KIAA0825: variants seen among roughly 807,000 people sequenced by gnomAD.
KIAA0825 encodes KIAA0825, also known as uncharacterized protein KIAA0825.
KIAA0825 carries 119 observed loss-of-function variants against 147.6 expected under a neutral mutation model. The ratio of observed to expected loss-of-function variants is 0.81; its 90% CI spans 0.69 to 0.94. The LOEUF is 0.94. Among genes scored for constraint, KIAA0825 ranks in the 40% least tolerant of loss-of-function variants. The pLI is 0.00. For missense variants in KIAA0825, 1,381 were observed against 1,472.7 expected (o/e 0.94, Z 1.02); for synonymous variants, 470 against 518.1 (o/e 0.91, Z 1.26).
intron 20 of KIAA0825, among the ~76,000 whole-genome samples, chr5:94,199,775 G>A (rs1024428957): frequency 1.3e-5 from 2 of 152,134 alleles, no homozygotes; most frequent in African/African-American, 2.4e-5. Flanking sequence ...GCATGCTGGC[G>A]GGGGAGGCTG....
chr5:94,563,965 G>T (rs1202380343), intron 2 of KIAA0825, among the ~76,000 whole-genome samples: 1 of 151,934 alleles, frequency 6.6e-6, no homozygotes, highest in Non-Finnish European at 1.5e-5. Context: ...GATTACAGGC[G>T]TGAGCCATAG....
intron 19 of KIAA0825, among the ~76,000 whole-genome samples, chr5:94,385,732 A>T (rs1196209015): frequency 6.6e-6 from 1 of 152,216 alleles, no homozygotes; most frequent in Non-Finnish European, 1.5e-5. Flanking sequence ...CGGCTTTAAG[A>T]TCATTAACAA....
At chr5:94,342,215 C>T (rs944429607) in intron 20 of KIAA0825, among the ~76,000 whole-genome samples, 4 of 151,774 alleles carry the variant, frequency 2.6e-5, no homozygotes, top group Non-Finnish European at 5.9e-5. Context: ...AAAGAACAAC[C>T]TGAAGGATTT....
chr5:94,617,113 T>C (rs1790738442), intron 1 of KIAA0825, among the ~76,000 whole-genome samples: 1 of 152,186 alleles, frequency 6.6e-6, no homozygotes, highest in Non-Finnish European at 1.5e-5. Flanking sequence ...AAATAATAAA[T>C]GTAAAGTGCC....
chr5:94,493,166 G>A (rs1484925782), intron 5 of KIAA0825, among the ~76,000 whole-genome samples: 2 of 152,158 alleles, frequency 1.3e-5, no homozygotes, highest in African/African-American at 4.8e-5. Context: ...TCTCATTCAA[G>A]AGACCTGTAG....
intron 5 of KIAA0825, chr5:94,519,795 A>G (rs184102216): frequency 3.7e-6 from 3 of 815,894 alleles, no homozygotes; most frequent in African/African-American, 1.9e-5. Flanking sequence ...GGAAGATACA[A>G]TGGATTAAAA....
At chr5:94,565,659 A>G (rs1189400780) in intron 2 of KIAA0825, among the ~76,000 whole-genome samples, 1 of 152,110 alleles carries the variant, frequency 6.6e-6, no homozygotes, top group Non-Finnish European at 1.5e-5. Flanking sequence ...TTTAACTCTG[A>G]CTGGGAATAA....
chr5:94,591,169 G>C (rs539964984), intron 1 of KIAA0825, among the ~76,000 whole-genome samples: 77 of 152,240 alleles, frequency 5.1e-4, no homozygotes, highest in Non-Finnish European at 9.4e-4. Flanking sequence ...AGATGAAAGA[G>C]AATTCACAGA....
intron 2 of KIAA0825, among the ~76,000 whole-genome samples, chr5:94,539,551 C>T (rs1392367911): frequency 6.6e-6 from 1 of 152,020 alleles, no homozygotes; most frequent in Non-Finnish European, 1.5e-5. Context: ...TGGCAAACCC[C>T]AAAGGGATGA....
At chr5:94,235,492 T>A (rs886072492) in intron 20 of KIAA0825, among the ~76,000 whole-genome samples, 1 of 152,200 alleles carries the variant, frequency 6.6e-6, no homozygotes, top group Admixed American at 6.5e-5. Context: ...AAAGAAGCTG[T>A]TTCTATAGCA....
intron 1 of KIAA0825, among the ~76,000 whole-genome samples, chr5:94,584,124 C>CTCTTCTCCT (rs1413544114): frequency 7.2e-5 from 11 of 152,114 alleles, no homozygotes; most frequent in Admixed American, 5.9e-4. Context: ...GCCAGAATGC[C>CTCTTCTCCT]TCTTCTCCTC....
At chr5:94,554,729 T>C (rs1290890882) in intron 2 of KIAA0825, among the ~76,000 whole-genome samples, 1 of 90,930 alleles carries the variant, frequency 1.1e-5, no homozygotes, top group Admixed American at 1.1e-4. Context: ...TATATATATA[T>C]ATATATATAT....
chr5:94,173,593 T>G (rs1303472122), intron 20 of KIAA0825, among the ~76,000 whole-genome samples: 2 of 152,182 alleles, frequency 1.3e-5, no homozygotes, highest in African/African-American at 4.8e-5. Context: ...GCTGCACTGC[T>G]TTTTATGGTC....
chr5:94,592,355 AG>A (rs1376599099), intron 1 of KIAA0825, among the ~76,000 whole-genome samples: 1 of 152,234 alleles, frequency 6.6e-6, no homozygotes, highest in African/African-American at 2.4e-5. Context: ...AAAATCTGGC[AG>A]GGCAGTCAAA....
At chr5:94,296,450 T>C (rs1316309205) in intron 20 of KIAA0825, among the ~76,000 whole-genome samples, 1 of 151,964 alleles carries the variant, frequency 6.6e-6, no homozygotes, top group African/African-American at 2.4e-5. Flanking sequence ...CACTGGGGTA[T>C]GAAAAAAATA....
chr5:94,496,725 C>G (rs1764405431), intron 5 of KIAA0825, among the ~76,000 whole-genome samples: 1 of 152,162 alleles, frequency 6.6e-6, no homozygotes, highest in Non-Finnish European at 1.5e-5. Flanking sequence ...TGATGAACAT[C>G]TGAGTCTCCA....
intron 20 of KIAA0825, among the ~76,000 whole-genome samples, chr5:94,171,474 T>A (rs1768606251): frequency 6.6e-6 from 1 of 152,136 alleles, no homozygotes; most frequent in Admixed American, 6.5e-5. Context: ...GATATCAACT[T>A]GAATGTAAGT....
At chr5:94,421,855 T>G (rs1417377269) in intron 14 of KIAA0825, among the ~76,000 whole-genome samples, 2 of 152,136 alleles carry the variant, frequency 1.3e-5, no homozygotes, top group Non-Finnish European at 2.9e-5. Context: ...TGGACAGTAA[T>G]CCTCAGCAGA....
chr5:94,502,671 T>G (rs939630271), intron 5 of KIAA0825, among the ~76,000 whole-genome samples: 1 of 152,226 alleles, frequency 6.6e-6, no homozygotes, highest in African/African-American at 2.4e-5. Flanking sequence ...ACTTTGATTA[T>G]TTCTTCAACA....
Sources: gnomAD v4.1 joint callset for allele counts (sites outside exome capture counted in the v4.1 genomes callset) on GRCh38, gnomAD v4.1.1 for gene constraint, MANE v1.5 for transcripts, NCBI Gene and HGNC (gene_info 2026-07-23, HGNC 2026-07-21) for gene names.